Variants in NAGA observed in about 807,000 individuals in gnomAD.
NAGA encodes alpha-N-acetylgalactosaminidase.
NAGA carries 42 observed loss-of-function variants against 45.6 expected under a neutral mutation model. That is an observed-to-expected ratio of 0.92 (90% CI 0.72 to 1.19). The LOEUF is 1.19. Among genes scored for constraint, NAGA ranks in the 50% most tolerant of loss-of-function variants. NAGA has a pLI of 0.00. For missense variants in NAGA, 493 were observed against 544.8 expected (o/e 0.90, Z 0.95); for synonymous variants, 176 against 203.1 (o/e 0.87, Z 1.13).
intron 5 of NAGA, among the ~76,000 whole-genome samples, chr22:42,066,303 G>A (rs1393660660): frequency 5.3e-5 from 8 of 152,048 alleles, no homozygotes; most frequent in Non-Finnish European, 7.4e-5. Context: ...TGCTAAGGGA[G>A]CCCTCATGAG....
intron 5 of NAGA, 144 bp from the exon 6 acceptor site, chr22:42,066,043 TGAG>T: frequency 8.9e-7 from 1 of 1,117,454 alleles, no homozygotes; most frequent in Non-Finnish European, 1.3e-6. Flanking sequence ...TTGCTCAGGA[TGAG>T]GAGGGCCTCA....
At chr22:42,069,937 G>A (rs133374) in intron 1 of NAGA, among the ~76,000 whole-genome samples, 94,159 of 152,054 alleles carry the variant, frequency 0.62, 29,773 homozygotes, top group East Asian at 0.85. Context: ...CAGCCAGGAT[G>A]GGCACCCAAT....
intron 8 of NAGA, 29 bp downstream of exon 8, chr22:42,060,895 C>G (rs758414605): frequency 1.9e-6 from 3 of 1,613,766 alleles, no homozygotes; most frequent in Non-Finnish European, 8.5e-7. Flanking sequence ...GAAGCCCAGG[C>G]GGGTGGCTGC....
Position 42,065,819 on chromosome 22 carries a change from G to A in NAGA, c.678C>T (p.Leu226=). Residue 226 remains leucine, a synonymous_variant, in exon 6 of 9, where the codon CTC becomes CTT. Transcript: ENST00000396398. ...DDIQDSWWSV[L]SILNWFVEHQ... The stretch of plus-strand genomic sequence containing the variant: ...GCTCCACGAACCAATTCAGGATGGA[G>A]AGCACGCTCCACCAGGAGTCCTGGA... The A allele has an allele frequency of 1.2e-6, 2 of 1,614,174 alleles. No individual in the cohort carries two copies. The highest frequency in any genetic ancestry group is 1.7e-6 in the Non-Finnish European group (2 of 1,180,044).
Position 42,065,795 on chromosome 22 carries a change from C to T in NAGA, c.702G>A (p.Glu234=), listed in dbSNP as rs776267590. The part of the protein sequence containing the change: ...SVLSILNWFV[E]HQDILQPVAG... The stretch of plus-strand genomic sequence containing the variant: ...CCACTGGCTGCAGTATGTCCTGGTG[C>T]TCCACGAACCAATTCAGGATGGAGA... The change falls in exon 6 of 9, where the codon GAG becomes GAA. Residue 234 remains glutamate, a synonymous_variant. Transcript: ENST00000396398. The T allele has an allele frequency of 2.0e-5, 32 of 1,614,054 alleles. No individual in the cohort carries two copies. The highest frequency in any genetic ancestry group is 4.0e-5 in the African/African-American group (3 of 74,914).
Position 42,059,257 on chromosome 22 carries a change from G to C in NAGA, c.*1022C>G, listed in dbSNP as rs1926225115. 1.3e-5 allele frequency: 2 copies of C among 152,254 alleles called. No individual in the cohort carries two copies. Among genetic ancestry groups the C allele is most frequent in the African/African-American group, 4.8e-5 (2 of 41,452 alleles). 9.4% of individuals were successfully genotyped at this position (152,254 alleles called of 1,614,324 possible). A position where few individuals can be genotyped will look rare whatever the true frequency, so the allele number is the denominator to read the frequency against. ...GCTTGGGAAATACGGACCAAAGCAA[G>C]ACAGGCAAGAACCCATCATTCCTTC... On this transcript the variant is annotated 3_prime_UTR_variant, in exon 9 of 9. Coordinates refer to ENST00000396398, the MANE Select transcript of NAGA (RefSeq NM_000262.3).
intron 7 of NAGA, among the ~76,000 whole-genome samples, chr22:42,061,765 G>A (rs1335316668): frequency 1.3e-5 from 2 of 151,924 alleles, no homozygotes; most frequent in East Asian, 3.9e-4. Flanking sequence ...GGCCAACATG[G>A]TGAAACCCTG....
chr22:42,066,666 C>T, intron 5 of NAGA, 44 bp downstream of exon 5: 1 of 1,539,608 alleles, frequency 6.5e-7, no homozygotes, highest in Non-Finnish European at 8.8e-7. Context: ...GTAAGGAGGC[C>T]TGGGTGTGGG....
At chr22:42,063,260 TA>T (rs1368498503) in intron 6 of NAGA, among the ~76,000 whole-genome samples, 1 of 151,794 alleles carries the variant, frequency 6.6e-6, no homozygotes, top group Non-Finnish European at 1.5e-5. Context: ...GAGTCGGCGG[TA>T]GGGGGGTGGG....
intron 5 of NAGA, 34 bp downstream of exon 5, chr22:42,066,676 G>T: frequency 6.4e-7 from 1 of 1,553,300 alleles, no homozygotes; most frequent in South Asian, 1.2e-5. Context: ...CTGGGTGTGG[G>T]AAGCGCCATC....
Position 42,060,374 on chromosome 22 carries a change from G to A in NAGA, c.1141C>T (p.Arg381Ter), listed in dbSNP as rs750450177. 1.7e-5 allele frequency: 28 copies of A among 1,613,522 alleles called. No homozygotes were observed. The highest frequency in any genetic ancestry group is 5.0e-5 in the Admixed American group (3 of 59,978). The change falls in exon 9 of 9, where the codon CGA becomes TGA. Residue 381 changes from arginine (R) to a stop codon, truncating the protein, a stop_gained. Coordinates refer to ENST00000396398, the MANE Select transcript of NAGA (RefSeq NM_000262.3). LOFTEE classifies it high-confidence loss of function. ...ATCACTGTGAAGTTGGTTTCATCTC[G>A]GAGGCCACTGATGATGTCACCTGAG... is the stretch of plus-strand genomic sequence containing the variant. ...VYSGDIISGL[R>*]DETNFTVIIN...
Position 42,060,393 on chromosome 22 carries a change from A to G in NAGA, c.1122T>C (p.Gly374=). Residue 374 remains glycine, a synonymous_variant, in exon 9 of 9, where the codon GGT becomes GGC. Coordinates refer to ENST00000396398, the MANE Select transcript of NAGA (RefSeq NM_000262.3). ...VIYEAQDVYS[G]DIISGLRDET... ...CATCTCGGAGGCCACTGATGATGTC[A>G]CCTGAGTAGACGTCCTGGGCCTGCA... 1 of 1,613,084 alleles carries G rather than the reference A, an allele frequency of 6.2e-7. No homozygotes were observed. Among genetic ancestry groups the G allele is most frequent in the East Asian group, 2.2e-5 (1 of 44,860 alleles).
At chr22:42,063,997 G>A (rs1408653816) in intron 6 of NAGA, among the ~76,000 whole-genome samples, 3 of 152,036 alleles carry the variant, frequency 2.0e-5, no homozygotes, top group African/African-American at 4.8e-5. Context: ...GCAGTGAGCC[G>A]AGATTGCACC....
At chr22:42,065,630 G>A in intron 6 of NAGA, 108 bp downstream of exon 6, 1 of 1,467,310 alleles carries the variant, frequency 6.8e-7, no homozygotes, top group African/African-American at 1.4e-5. Context: ...CAGAAGCGCT[G>A]ACCTAGAACC....
In NAGA at chr22:42,066,817, C is replaced by A; in HGVS notation, c.503-13G>T. The A allele has an allele frequency of 6.3e-7, 1 of 1,595,352 alleles. No homozygotes were observed. The highest frequency in any genetic ancestry group is 8.5e-7 in the Non-Finnish European group (1 of 1,170,816). On this transcript the variant is annotated splice_polypyrimidine_tract_variant and intron_variant, in intron 4 of 8. Coordinates refer to ENST00000396398, the MANE Select transcript of NAGA (RefSeq NM_000262.3). ...ATCTTGGGGTACCCTAGAGAAAGCC[C>A]AACCTGTTTCAGTCCTGAGGAAGTG...
At chr22:42,065,593 TA>T in intron 6 of NAGA, 144 bp downstream of exon 6, 2 of 1,127,406 alleles carry the variant, frequency 1.8e-6, no homozygotes, top group Non-Finnish European at 2.5e-6. Context: ...AAGTCAAGTC[TA>T]AAGCAACCAG....
intron 3 of NAGA, 104 bp from the exon 4 acceptor site, chr22:42,067,394 C>T: frequency 7.0e-7 from 1 of 1,421,984 alleles, no homozygotes; most frequent in African/African-American, 1.4e-5. Context: ...CTCCCACGGA[C>T]CAAAGGAGAT....
chr22:42,068,285 G>A (rs567597832), intron 2 of NAGA, among the ~76,000 whole-genome samples, 154 bp downstream of exon 2: 2 of 152,282 alleles, frequency 1.3e-5, no homozygotes, highest in Admixed American at 1.3e-4. Flanking sequence ...AGGTCATGGG[G>A]CTAGGTGTCA....
intron 1 of NAGA, among the ~76,000 whole-genome samples, chr22:42,069,564 G>A (rs1569458983): frequency 1.4e-5 from 2 of 144,842 alleles, no homozygotes; most frequent in African/African-American, 5.1e-5. Flanking sequence ...GCAGTGAGCC[G>A]AGATCGCGCC....
Sources: allele counts gnomAD v4.1 joint callset (sites outside exome capture counted in the v4.1 genomes callset), GRCh38; gene constraint gnomAD v4.1.1; transcripts MANE v1.5; gene names NCBI Gene and HGNC (gene_info 2026-07-23, HGNC 2026-07-21).